Variants in PTPRD observed in about 807,000 individuals in gnomAD.
PTPRD encodes the protein protein tyrosine phosphatase receptor type D.
Under a neutral mutation model 214.5 loss-of-function variants are expected in PTPRD, and 34 were observed. The ratio of observed to expected loss-of-function variants is 0.16; its 90% CI spans 0.12 to 0.21. The LOEUF (loss-of-function observed/expected upper bound fraction) is 0.21. PTPRD is among the 10% of genes least tolerant of loss of function. PTPRD has a pLI of 1.00. For synonymous variants in PTPRD, 1,128 were observed against 845.7 expected (o/e 1.33, Z -5.79); for missense variants, 2,545 against 2,398.7 (o/e 1.06, Z -1.27).
rs569354778 is a variant in PTPRD, at chr9:8,390,932, G to C, written c.4211-1525C>G. Among the ~76,000 whole-genome samples the C allele has an allele frequency of 3.9e-5, 6 of 152,312 alleles. No homozygotes were observed. The South Asian group carries it at 1.2e-3, about 32-fold the overall frequency. ...CTGAAAGATTTAACTACAGAAACAT[G>C]AATTTCATCTCAAATACAATAAAGC... On this transcript the variant is annotated intron_variant, in intron 36 of 45. Coordinates refer to ENST00000381196, the MANE Select transcript of PTPRD (RefSeq NM_002839.4).
chr9:8,739,019 A>G (rs923110590), intron 11 of PTPRD, among the ~76,000 whole-genome samples: 1 of 152,234 alleles, frequency 6.6e-6, no homozygotes, highest in Non-Finnish European at 1.5e-5. Flanking sequence ...AGGCCTCTGT[A>G]AATCAGCTGA....
At chr9:9,045,854 G>C (rs912057086) in intron 10 of PTPRD, among the ~76,000 whole-genome samples, 4 of 152,074 alleles carry the variant, frequency 2.6e-5, no homozygotes, top group Non-Finnish European at 4.4e-5. Context: ...AGACTTTTTA[G>C]GGTTGTGAAT....
At chr9:9,430,181 G>C (rs140118574) in intron 8 of PTPRD, among the ~76,000 whole-genome samples, 332 of 152,294 alleles carry the variant, frequency 2.2e-3, no homozygotes, top group African/African-American at 7.5e-3. Flanking sequence ...ATCTCCTTAA[G>C]CTGATAAGCA....
chr9:9,428,789 G>C (rs1159019260), intron 8 of PTPRD, among the ~76,000 whole-genome samples: 1 of 152,138 alleles, frequency 6.6e-6, no homozygotes, highest in Admixed American at 6.5e-5. Flanking sequence ...TGAACAACCT[G>C]CTCCTGAATG....
intron 2 of PTPRD, among the ~76,000 whole-genome samples, chr9:10,507,023 T>C (rs2133544857): frequency 6.6e-6 from 1 of 152,222 alleles, no homozygotes; most frequent in South Asian, 2.1e-4. Flanking sequence ...GTGCCTGTTT[T>C]CAAAGGGAAT....
chr9:9,672,225 G>A (rs1354450053), intron 7 of PTPRD, among the ~76,000 whole-genome samples: 1 of 152,092 alleles, frequency 6.6e-6, no homozygotes, highest in Non-Finnish European at 1.5e-5. Context: ...ATAATTTTCT[G>A]AAAACAGTAA....
chr9:10,305,034 A>C (rs1435133400), intron 3 of PTPRD, among the ~76,000 whole-genome samples: 1 of 152,144 alleles, frequency 6.6e-6, no homozygotes, highest in East Asian at 1.9e-4. Flanking sequence ...TCAAAACAGC[A>C]TGGTACTAGT....
At chr9:8,922,890 C>T (rs1588093133) in intron 11 of PTPRD, among the ~76,000 whole-genome samples, 1 of 151,400 alleles carries the variant, frequency 6.6e-6, no homozygotes, top group South Asian at 2.1e-4. Context: ...GTCTCGATCT[C>T]CTGACCTTGT....
intron 3 of PTPRD, among the ~76,000 whole-genome samples, chr9:10,256,313 G>GTGT (rs1233595275): frequency 1.3e-5 from 2 of 151,298 alleles, no homozygotes; most frequent in East Asian, 1.9e-4. Context: ...GGTCTTCGGG[G>GTGT]GTAATAACAC....
chr9:9,508,258 G>T (rs1434819738), intron 8 of PTPRD, among the ~76,000 whole-genome samples: 4 of 151,376 alleles, frequency 2.6e-5, no homozygotes, highest in Admixed American at 2.0e-4. Flanking sequence ...CCTTATACAA[G>T]AAGCGCTCCA....
chr9:9,784,805 A>T (rs1193271853), intron 5 of PTPRD, among the ~76,000 whole-genome samples: 1 of 150,836 alleles, frequency 6.6e-6, no homozygotes, highest in Non-Finnish European at 1.5e-5. Flanking sequence ...TTATATCTAT[A>T]TCATAAAACA....
intron 10 of PTPRD, among the ~76,000 whole-genome samples, chr9:9,165,609 CATAA>C (rs1006149095): frequency 6.6e-6 from 1 of 152,102 alleles, no homozygotes. Context: ...GAATTTAGTT[CATAA>C]ATAATGTGAG....
chr9:9,640,947 C>T (rs555506145), intron 7 of PTPRD, among the ~76,000 whole-genome samples: 1 of 152,330 alleles, frequency 6.6e-6, no homozygotes, highest in African/African-American at 2.4e-5. Context: ...AACGTAAGAT[C>T]AAATCCAACT....
At chr9:9,684,983 G>A (rs780066042) in intron 7 of PTPRD, among the ~76,000 whole-genome samples, 3 of 151,492 alleles carry the variant, frequency 2.0e-5, no homozygotes, top group Non-Finnish European at 4.4e-5. Flanking sequence ...TATTTCGGTT[G>A]ATAGCCTGAA....
chr9:9,666,420 G>A (rs931845570), intron 7 of PTPRD, among the ~76,000 whole-genome samples: 6 of 151,948 alleles, frequency 3.9e-5, no homozygotes, highest in African/African-American at 1.4e-4. Flanking sequence ...TTTCGTAGAG[G>A]AGAATGTTCA....
intron 33 of PTPRD, among the ~76,000 whole-genome samples, chr9:8,452,536 G>T (rs879321121): frequency 5.3e-5 from 8 of 152,004 alleles, no homozygotes; most frequent in African/African-American, 1.9e-4. Flanking sequence ...TCTCATTTTC[G>T]ATTTGAAAAA....
intron 3 of PTPRD, among the ~76,000 whole-genome samples, chr9:10,277,389 A>G (rs1459844181): frequency 6.6e-6 from 1 of 152,114 alleles, no homozygotes; most frequent in African/African-American, 2.4e-5. Context: ...AGAAGAACAA[A>G]AACGACAATG....
intron 3 of PTPRD, among the ~76,000 whole-genome samples, chr9:10,170,536 A>T (rs1335684292): frequency 6.6e-6 from 1 of 151,884 alleles, no homozygotes; most frequent in Non-Finnish European, 1.5e-5. Flanking sequence ...AAACACAAAA[A>T]ATTAACCAGG....
intron 3 of PTPRD, among the ~76,000 whole-genome samples, chr9:10,101,563 G>C (rs2098552052): frequency 6.6e-6 from 1 of 151,630 alleles, no homozygotes; most frequent in African/African-American, 2.4e-5. Context: ...TTTTACCATA[G>C]AAGGATCACC....
Sources: allele counts gnomAD v4.1 joint callset (sites outside exome capture counted in the v4.1 genomes callset), GRCh38; gene constraint gnomAD v4.1.1; transcripts MANE v1.5; gene names NCBI Gene and HGNC (gene_info 2026-07-23, HGNC 2026-07-21).